Variants in PTPRN2 observed in about 807,000 individuals in gnomAD.
The protein encoded by PTPRN2 is receptor-type tyrosine-protein phosphatase N2.
PTPRN2 carries 74 observed loss-of-function variants against 118.8 expected under a neutral mutation model. The ratio of observed to expected loss-of-function variants is 0.62; its 90% CI spans 0.52 to 0.76. The LOEUF (loss-of-function observed/expected upper bound fraction) is 0.76, where lower values mean the gene tolerates loss of function less well. Among genes scored for constraint, PTPRN2 ranks in the 30% least tolerant of loss-of-function variants. The pLI is 0.00. For synonymous variants in PTPRN2, 641 were observed against 608.0 expected (o/e 1.05, Z -0.80); for missense variants, 1,481 against 1,394.4 (o/e 1.06, Z -0.99).
intron 12 of PTPRN2, among the ~76,000 whole-genome samples, chr7:157,710,199 C>T (rs776550111): frequency 1.5e-4 from 23 of 152,208 alleles, no homozygotes; most frequent in Admixed American, 3.3e-4. Context: ...TCTCTCCCTC[C>T]TGCGTCCATT....
In PTPRN2 at chr7:158,010,029, C is replaced by T. The variant is rs147066558; in HGVS notation, c.1723+71269G>A. Among the ~76,000 whole-genome samples the T allele has an allele frequency of 7.6e-3, 1,161 of 152,276 alleles. 13 individuals are homozygous for T. The highest frequency in any genetic ancestry group is 0.027 in the African/African-American group (1,115 of 41,544). ...CCTTTGCCTGCCCCAGACCCTCCAC[C>T]CTCACTTCCAGCCATGCCCCTGCAG... On this transcript the variant is annotated intron_variant, in intron 11 of 22. Coordinates refer to ENST00000389418, the MANE Select transcript of PTPRN2 (RefSeq NM_002847.5).
rs746301158 is a variant in PTPRN2 at position 157,576,616 on chromosome 7, C to T, written c.2780G>A (p.Arg927His). Residue 927 changes from arginine (R) to histidine (H), a missense_variant, in exon 19 of 23, where the codon CGC (arginine) becomes CAC (histidine). By Grantham distance (29) the Arg-to-His change is conservative. Coordinates refer to ENST00000389418, the MANE Select transcript of PTPRN2 (RefSeq NM_002847.5). The part of the protein sequence containing the change: ...PSSSRSLLDF[R>H]RKVNKCYRGR... ...GCCGGCGGGCCGCGCGTCATACCTG[C>T]GGAAGTCCAGGAGGGACCTTGAGGA... 4.3e-6 allele frequency: 7 copies of T among 1,609,380 alleles called. No individual in the cohort carries two copies. Among genetic ancestry groups the T allele is most frequent in the Non-Finnish European group, 5.1e-6 (6 of 1,177,526 alleles).
intron 12 of PTPRN2, among the ~76,000 whole-genome samples, chr7:157,860,293 G>A (rs1002885939): frequency 3.3e-5 from 5 of 152,206 alleles, no homozygotes; most frequent in African/African-American, 1.2e-4. Flanking sequence ...TGAGGGTGGT[G>A]CCCAAGCCAA....
chr7:158,146,280 T>C (rs1169904592), intron 6 of PTPRN2, among the ~76,000 whole-genome samples: 2 of 152,156 alleles, frequency 1.3e-5, no homozygotes, highest in Non-Finnish European at 2.9e-5. Context: ...TTAACCAAAA[T>C]GTTAACCTAT....
At chr7:158,212,506 A>G (rs2150767987) in intron 3 of PTPRN2, among the ~76,000 whole-genome samples, 1 of 152,314 alleles carries the variant, frequency 6.6e-6, no homozygotes, top group South Asian at 2.1e-4. Context: ...CCATAAATAT[A>G]TACACCTGTG....
At chr7:158,372,922 A>G (rs1385058823) in intron 2 of PTPRN2, among the ~76,000 whole-genome samples, 2 of 152,136 alleles carry the variant, frequency 1.3e-5, no homozygotes, top group African/African-American at 4.8e-5. Flanking sequence ...AGACTCCCCG[A>G]CCTGACAGCT....
intron 2 of PTPRN2, among the ~76,000 whole-genome samples, chr7:158,448,604 G>T (rs1004382224): frequency 6.6e-6 from 1 of 152,192 alleles, no homozygotes; most frequent in Non-Finnish European, 1.5e-5. Flanking sequence ...AGCATGAGGG[G>T]CTCCTCCTGC....
At chr7:158,329,801 T>C (rs933960885) in intron 2 of PTPRN2, among the ~76,000 whole-genome samples, 6 of 152,092 alleles carry the variant, frequency 3.9e-5, no homozygotes, top group African/African-American at 1.4e-4. Context: ...GTCCACATGG[T>C]CCCACTTCAC....
At chr7:157,621,202 A>T (rs13308644) in intron 15 of PTPRN2, among the ~76,000 whole-genome samples, 160 bp downstream of exon 15, 4,421 of 13,700 alleles carry the variant, frequency 0.32, 118 homozygotes, top group Admixed American at 0.35. Context: ...CCTGTAACCC[A>T]GGCCTCCCGT....
At position 158,312,989 on chromosome 7, in the gene PTPRN2, T is replaced by C. The variant is rs1420868170; in HGVS notation, c.277+3830A>G. On this transcript the variant is annotated intron_variant, in intron 3 of 22. Transcript: ENST00000389418. ...GCATGTCTACATGTGAGCATGTGTGTGTGCAGGTGAGTGTGCAGGTGTGTG... is the reference window on the plus strand; with the variant it reads ...GCATGTCTACATGTGAGCATGTGTGCGTGCAGGTGAGTGTGCAGGTGTGTG... 2.7e-5 allele frequency among the ~76,000 whole-genome samples: 4 copies of C among 149,466 alleles called. No homozygotes were observed. In the South Asian group the frequency reaches 8.4e-4, roughly 31 times the overall value.
intron 13 of PTPRN2, among the ~76,000 whole-genome samples, chr7:157,657,874 CCA>C (rs762577531): frequency 0.036 from 4,464 of 122,432 alleles, 400 homozygotes; most frequent in African/African-American, 0.13. Context: ...TACACACACA[CCA>C]CACACACACA....
chr7:158,332,843 A>C (rs375510749), intron 2 of PTPRN2, among the ~76,000 whole-genome samples: 14 of 135,662 alleles, frequency 1.0e-4, no homozygotes, highest in African/African-American at 2.3e-4. Context: ...GAGGTGACAC[A>C]TGCAAACGTC....
chr7:157,714,465 G>A (rs1031112950), intron 12 of PTPRN2, among the ~76,000 whole-genome samples: 5 of 152,210 alleles, frequency 3.3e-5, no homozygotes, highest in African/African-American at 1.2e-4. Context: ...TTTATCCAGG[G>A]CGAGCTACTA....
chr7:157,850,623 A>G (rs892129781), intron 12 of PTPRN2, among the ~76,000 whole-genome samples: 4 of 152,176 alleles, frequency 2.6e-5, no homozygotes, highest in African/African-American at 9.6e-5. Context: ...GCTCCCCACA[A>G]TATGAGTCTG....
chr7:157,684,196 G>T (rs1280214642), intron 12 of PTPRN2, among the ~76,000 whole-genome samples: 1 of 151,830 alleles, frequency 6.6e-6, no homozygotes, highest in Non-Finnish European at 1.5e-5. Context: ...TTTTGCCTTC[G>T]GTGCAGCGGA....
At chr7:158,573,109 C>G (rs1220542546) in intron 1 of PTPRN2, among the ~76,000 whole-genome samples, 1 of 152,210 alleles carries the variant, frequency 6.6e-6, no homozygotes. Flanking sequence ...TAATGTATTT[C>G]TTCCCTCATT....
intron 2 of PTPRN2, among the ~76,000 whole-genome samples, chr7:158,457,020 G>T (rs1245022848): frequency 1.3e-5 from 2 of 151,966 alleles, no homozygotes; most frequent in Non-Finnish European, 2.9e-5. Flanking sequence ...TCTAGTATCC[G>T]GTCAGTGCTA....
intron 11 of PTPRN2, among the ~76,000 whole-genome samples, chr7:158,054,977 G>A (rs1809670818): frequency 6.6e-6 from 1 of 152,214 alleles, no homozygotes; most frequent in Non-Finnish European, 1.5e-5. Context: ...CCCCTTCACT[G>A]TGGTCAGAGC....
At chr7:158,299,446 T>C (rs892658659) in intron 3 of PTPRN2, among the ~76,000 whole-genome samples, 1 of 151,980 alleles carries the variant, frequency 6.6e-6, no homozygotes, top group Non-Finnish European at 1.5e-5. Flanking sequence ...TACAGGTGCA[T>C]GCCACCACAT....
Sources: allele counts gnomAD v4.1 joint callset (sites outside exome capture counted in the v4.1 genomes callset), GRCh38; gene constraint gnomAD v4.1.1; transcripts MANE v1.5; gene names NCBI Gene and HGNC (gene_info 2026-07-23, HGNC 2026-07-21).